The following DLC1 variants were observed in gnomAD, a reference collection of about 807,000 sequenced individuals.
DLC1 encodes DLC1 Rho GTPase activating protein.
Under a neutral mutation model 140.3 loss-of-function variants are expected in DLC1, and 54 were observed. That is an observed-to-expected ratio of 0.38 (90% CI 0.31 to 0.48). DLC1 has a LOEUF of 0.48. DLC1 is among the 20% of genes least tolerant of loss of function. DLC1 has a pLI of 0.96. For missense variants in DLC1, 2,536 were observed against 1,907.0 expected (o/e 1.33, Z -6.14); for synonymous variants, 986 against 728.1 (o/e 1.35, Z -5.70).
intron 5 of DLC1, among the ~76,000 whole-genome samples, chr8:13,230,597 CTTTTTT>C (rs548424340): frequency 1.6e-4 from 21 of 133,704 alleles, no homozygotes; most frequent in African/African-American, 5.3e-4. Context: ...TTTCTTTTTT[CTTTTTT>C]TTTTTTTTTT....
intron 2 of DLC1, among the ~76,000 whole-genome samples, chr8:13,412,880 T>C (rs377518782): frequency 1.2e-4 from 16 of 136,890 alleles, no homozygotes; most frequent in Admixed American, 1.8e-4. Context: ...TGCAGTAAGC[T>C]GAGATCGTGC....
chr8:13,096,965 T>C (rs1464140244), intron 10 of DLC1, among the ~76,000 whole-genome samples: 1 of 152,202 alleles, frequency 6.6e-6, no homozygotes, highest in African/African-American at 2.4e-5. Flanking sequence ...ATTTCTCTGC[T>C]TGGCACTGAT....
At chr8:13,141,256 CAAAAA>C (rs34321250) in intron 5 of DLC1, among the ~76,000 whole-genome samples, 37 of 63,756 alleles carry the variant, frequency 5.8e-4, no homozygotes, top group Middle Eastern at 7.2e-3. Flanking sequence ...GAGTCTGTCT[CAAAAA>C]AAAAAAAAAA....
intron 5 of DLC1, among the ~76,000 whole-genome samples, chr8:13,228,039 A>G (rs1399297975): frequency 2.0e-5 from 3 of 152,192 alleles, no homozygotes; most frequent in Non-Finnish European, 4.4e-5. Context: ...TTTCATAGAA[A>G]TATTAGGAAG....
At chr8:13,319,538 T>G (rs1257024997) in intron 4 of DLC1, among the ~76,000 whole-genome samples, 1 of 151,574 alleles carries the variant, frequency 6.6e-6, no homozygotes, top group African/African-American at 2.4e-5. Context: ...TTACAAAATC[T>G]GGTTGTTTAA....
intron 4 of DLC1, among the ~76,000 whole-genome samples, chr8:13,338,231 G>A (rs990617421): frequency 2.6e-5 from 4 of 151,982 alleles, no homozygotes; most frequent in Non-Finnish European, 5.9e-5. Context: ...CCAGTCACAG[G>A]TTTGTGGGAA....
At chr8:13,470,649 G>T (rs939856515) in intron 2 of DLC1, among the ~76,000 whole-genome samples, 1 of 152,146 alleles carries the variant, frequency 6.6e-6, no homozygotes, top group African/African-American at 2.4e-5. Context: ...TACACTGTTG[G>T]TGGGAATGCA....
At chr8:13,291,219 A>C (rs2117461801) in intron 5 of DLC1, among the ~76,000 whole-genome samples, 1 of 152,320 alleles carries the variant, frequency 6.6e-6, no homozygotes, top group East Asian at 1.9e-4. Flanking sequence ...ATGTGCAGAC[A>C]TATCTTTAGT....
intron 1 of DLC1, among the ~76,000 whole-genome samples, chr8:13,540,067 G>A (rs982167908): frequency 6.6e-6 from 1 of 152,112 alleles, no homozygotes; most frequent in Admixed American, 6.6e-5. Flanking sequence ...AAACCTAGTC[G>A]CAAAAGACTT....
chr8:13,410,434 A>G (rs1352793761), intron 2 of DLC1, among the ~76,000 whole-genome samples: 1 of 152,162 alleles, frequency 6.6e-6, no homozygotes, highest in Non-Finnish European at 1.5e-5. Context: ...AAGGAAGAAA[A>G]TGTGTACCTC....
At position 13,184,601 on chromosome 8, in the gene DLC1, G is replaced by A. The variant is rs540697142; in HGVS notation, c.1349-68944C>T. ...CAAGTTGTTCAGTTTCCATGTAGTTGTGTGGTTTTGAGTTAGTTTTGTAAT... is the reference window on the plus strand; with the variant it reads ...CAAGTTGTTCAGTTTCCATGTAGTTATGTGGTTTTGAGTTAGTTTTGTAAT... On this transcript the variant is annotated intron_variant, in intron 5 of 17. Transcript: ENST00000276297. Among the ~76,000 whole-genome samples, 14 of 152,290 alleles carry A rather than the reference G, an allele frequency of 9.2e-5. No individual in the cohort carries two copies. In the South Asian group the frequency reaches 2.9e-3, roughly 32 times the overall value.
intron 1 of DLC1, among the ~76,000 whole-genome samples, chr8:13,556,671 C>G (rs534151673): frequency 1.6e-4 from 25 of 152,246 alleles, no homozygotes; most frequent in Admixed American, 4.6e-4. Flanking sequence ...GGCTGGGCGC[C>G]TGACAGGACT....
chr8:13,219,699 T>G (rs951006557), intron 5 of DLC1, among the ~76,000 whole-genome samples: 1 of 151,912 alleles, frequency 6.6e-6, no homozygotes, highest in South Asian at 2.1e-4. Flanking sequence ...AAATAAAATA[T>G]GGGTCTTCAA....
chr8:13,508,579 G>A (rs544902339), intron 1 of DLC1, among the ~76,000 whole-genome samples: 12 of 152,022 alleles, frequency 7.9e-5, no homozygotes, highest in African/African-American at 2.4e-4. Context: ...CACCAAGCCC[G>A]GCTAATTTTT....
At chr8:13,377,118 C>T (rs1308891482) in intron 4 of DLC1, among the ~76,000 whole-genome samples, 1 of 152,120 alleles carries the variant, frequency 6.6e-6, no homozygotes, top group South Asian at 2.1e-4. Context: ...GTGACGATTT[C>T]TAGGGCTTGG....
At chr8:13,177,911 T>A (rs926066374) in intron 5 of DLC1, among the ~76,000 whole-genome samples, 3 of 152,178 alleles carry the variant, frequency 2.0e-5, no homozygotes, top group South Asian at 2.1e-4. Flanking sequence ...TGTTGGAAAT[T>A]TGTGTTAGAC....
Position 13,085,544 on chromosome 8 carries a change from C to A in DLC1, c.*267G>T. On this transcript the variant is annotated 3_prime_UTR_variant, in exon 18 of 18. Transcript: ENST00000276297. ...ATAATGTATTTAAAGAGTTTTGCTT[C>A]TCAGAAGCAATTTGAATAAGAATAC... is the stretch of plus-strand genomic sequence containing the variant. 3.1e-6 allele frequency: 1 copy of A among 319,784 alleles called. No individual in the cohort carries two copies. The highest frequency in any genetic ancestry group is 2.1e-5 in the African/African-American group (1 of 47,590). 19.8% of individuals were successfully genotyped at this position (319,784 alleles called of 1,614,324 possible).
intron 2 of DLC1, among the ~76,000 whole-genome samples, chr8:13,407,085 G>A (rs562308453): frequency 6.6e-6 from 1 of 152,122 alleles, no homozygotes; most frequent in East Asian, 1.9e-4. Flanking sequence ...CAATAGATAC[G>A]AGGCAAATTA....
At chr8:13,388,638 A>G (rs921893239) in intron 4 of DLC1, among the ~76,000 whole-genome samples, 1 of 152,062 alleles carries the variant, frequency 6.6e-6, no homozygotes, top group Admixed American at 6.6e-5. Flanking sequence ...ACACTTCAGA[A>G]AATAATATCA....
Sources: gnomAD v4.1 joint callset for allele counts (sites outside exome capture counted in the v4.1 genomes callset) on GRCh38, gnomAD v4.1.1 for gene constraint, MANE v1.5 for transcripts, NCBI Gene and HGNC (gene_info 2026-07-23, HGNC 2026-07-21) for gene names.